Variants in BRAF observed in about 807,000 individuals in gnomAD.
The protein encoded by BRAF is B-Raf proto-oncogene, serine/threonine kinase.
A neutral mutation model predicts 104.6 loss-of-function variants in BRAF; 16 were observed. The observed-to-expected ratio is 0.15, with a 90% CI of 0.10 to 0.23. BRAF has a LOEUF of 0.23. Ranked by LOEUF, BRAF falls within the 10% of genes least tolerant of loss-of-function variation. The pLI, the probability that BRAF is intolerant of heterozygous loss-of-function variation, is 1.00. For synonymous variants in BRAF, 310 were observed against 341.6 expected (o/e 0.91, Z 1.02); for missense variants, 541 against 937.3 (o/e 0.58, Z 5.52).
intron 3 of BRAF, among the ~76,000 whole-genome samples, chr7:140,814,774 CAT>C (rs531951692): frequency 4.4e-5 from 6 of 135,132 alleles, no homozygotes; most frequent in East Asian, 4.1e-4. Flanking sequence ...TTATATATAA[CAT>C]ATATATTATA....
At position 140,725,069 on chromosome 7, in the gene BRAF, T is replaced by G. The variant is rs1187503517; in HGVS notation, c.*1425A>C. The G allele has an allele frequency of 9.6e-7, 1 of 1,045,902 alleles. No homozygotes were observed. Among genetic ancestry groups the G allele is most frequent in the Non-Finnish European group, 1.2e-6 (1 of 867,108 alleles). 64.8% of individuals were successfully genotyped at this position (1,045,902 alleles called of 1,614,324 possible). Reference sequence around the variant, plus strand: ...ATCCCTAAAATTGCTCTATTCTCTGTCTGGGAATTCAGCTGCCAAATTGCC... The same window carrying G: ...ATCCCTAAAATTGCTCTATTCTCTGGCTGGGAATTCAGCTGCCAAATTGCC... On this transcript the variant is annotated 3_prime_UTR_variant, in exon 20 of 20. Transcript: ENST00000644969.
At position 140,768,465 on chromosome 7, in the gene BRAF, G is replaced by A. The variant is rs542272747; in HGVS notation, c.1814+8447C>T. Among the ~76,000 whole-genome samples, 255 of 152,214 alleles carry A rather than the reference G, an allele frequency of 1.7e-3. 1 individual carries two copies. Among genetic ancestry groups the A allele is most frequent in the African/African-American group, 5.9e-3 (244 of 41,540 alleles). ...AGAGGCATTTGGGTCTGGGTCATGAGGAATGCCCTCATGAAAGCAGGAGTC... is the reference window on the plus strand; with the variant it reads ...AGAGGCATTTGGGTCTGGGTCATGAAGAATGCCCTCATGAAAGCAGGAGTC... On this transcript the variant is annotated intron_variant, in intron 14 of 19. Coordinates refer to ENST00000644969, the MANE Select transcript of BRAF (RefSeq NM_001374258.1).
intron 19 of BRAF, among the ~76,000 whole-genome samples, chr7:140,730,334 T>C (rs999409628): frequency 6.6e-6 from 1 of 152,120 alleles, no homozygotes; most frequent in African/African-American, 2.4e-5. Context: ...ATATTTTCTT[T>C]CCCCTTCTTT....
chr7:140,812,404 C>T (rs1804380194), intron 3 of BRAF, among the ~76,000 whole-genome samples: 1 of 152,108 alleles, frequency 6.6e-6, no homozygotes, highest in Non-Finnish European at 1.5e-5. Context: ...AATTCCAATT[C>T]CATAATGTGT....
chr7:140,791,796 T>C (rs549813111), intron 8 of BRAF, among the ~76,000 whole-genome samples: 1 of 152,334 alleles, frequency 6.6e-6, no homozygotes, highest in African/African-American at 2.4e-5. Context: ...TAAGTATCTA[T>C]AAGCCAGAAA....
chr7:140,923,963 C>T (rs2129152198), intron 1 of BRAF, among the ~76,000 whole-genome samples: 1 of 152,250 alleles, frequency 6.6e-6, no homozygotes, highest in Non-Finnish European at 1.5e-5. Flanking sequence ...GCATCGGAAA[C>T]TGCGATTTAG....
At chr7:140,879,064 G>A (rs1021924838) in intron 1 of BRAF, among the ~76,000 whole-genome samples, 3 of 151,886 alleles carry the variant, frequency 2.0e-5, no homozygotes, top group Non-Finnish European at 2.9e-5. Context: ...TTTTAGTAGA[G>A]ACGTGGTTTC....
At chr7:140,718,259 T>A (rs947500117), downstream of BRAF, among the ~76,000 whole-genome samples, 2 of 151,738 alleles carry the variant, frequency 1.3e-5, no homozygotes, top group African/African-American at 4.8e-5. Flanking sequence ...CATGCCCAGC[T>A]TTTTTTTATT....
chr7:140,819,274 A>G (rs1444363905), intron 3 of BRAF, among the ~76,000 whole-genome samples: 1 of 152,232 alleles, frequency 6.6e-6, no homozygotes, highest in Non-Finnish European at 1.5e-5. Context: ...ACAATCACAC[A>G]AAAAGATGCT....
intron 1 of BRAF, among the ~76,000 whole-genome samples, chr7:140,914,626 TA>T (rs944532299): frequency 2.8e-4 from 42 of 151,938 alleles, no homozygotes; most frequent in African/African-American, 5.1e-4. Flanking sequence ...CTTTTTATGG[TA>T]AAAAAAAGTT....
intron 3 of BRAF, among the ~76,000 whole-genome samples, chr7:140,828,605 A>G (rs1394902355): frequency 6.6e-6 from 1 of 152,200 alleles, no homozygotes. Context: ...ACCTTCAAGT[A>G]CAAGTCTTTT....
chr7:140,771,709 T>G (rs1031909259), intron 14 of BRAF, among the ~76,000 whole-genome samples: 12 of 152,110 alleles, frequency 7.9e-5, no homozygotes, highest in Admixed American at 1.3e-4. Flanking sequence ...AAATACCCTA[T>G]AGCCTTATTG....
At chr7:140,847,247 ATAAGC>A (rs2129071577) in intron 2 of BRAF, among the ~76,000 whole-genome samples, 1 of 152,172 alleles carries the variant, frequency 6.6e-6, no homozygotes, top group African/African-American at 2.4e-5. Flanking sequence ...TCATTAAAAT[ATAAGC>A]TTAAAAAGGC....
At chr7:140,832,263 G>C (rs762644110) in intron 3 of BRAF, among the ~76,000 whole-genome samples, 1 of 152,148 alleles carries the variant, frequency 6.6e-6, no homozygotes, top group East Asian at 1.9e-4. Flanking sequence ...GCTGCTAGTA[G>C]GTTCTACTGC....
intron 3 of BRAF, among the ~76,000 whole-genome samples, chr7:140,830,082 T>C (rs1243565339): frequency 6.6e-6 from 1 of 152,242 alleles, no homozygotes; most frequent in African/African-American, 2.4e-5. Context: ...TCAACAATCA[T>C]ACTTTCAATT....
rs571961302 is a variant in BRAF at position 140,720,311 on chromosome 7, A to G, written c.*6183T>C. On this transcript the variant is annotated 3_prime_UTR_variant, in exon 20 of 20. Transcript: ENST00000644969. ...TGAGTCTATATATGTGGCATGGCCA[A>G]AGGAAACACGGAGGACCCATGGATG... is the stretch of plus-strand genomic sequence containing the variant. 1.6e-5 allele frequency: 17 copies of G among 1,062,586 alleles called. No homozygotes were observed. Among genetic ancestry groups the G allele is most frequent in the African/African-American group, 3.3e-5 (2 of 60,954 alleles). The allele number at this position is 1,062,586 out of a possible 1,614,324, so 65.8% of individuals were successfully genotyped here. A position where few individuals can be genotyped will look rare whatever the true frequency, so the allele number is the denominator to read the frequency against.
At chr7:140,862,424 A>G (rs916860931) in intron 1 of BRAF, among the ~76,000 whole-genome samples, 39 of 152,212 alleles carry the variant, frequency 2.6e-4, no homozygotes, top group African/African-American at 8.4e-4. Flanking sequence ...ACATTTAGTA[A>G]GAGTTCTAAA....
chr7:140,735,827 G>A (rs1796367099), intron 18 of BRAF, among the ~76,000 whole-genome samples: 1 of 151,922 alleles, frequency 6.6e-6, no homozygotes, highest in Admixed American at 6.6e-5. Flanking sequence ...CAAAGGGCTG[G>A]GATTACAGAC....
At chr7:140,804,860 T>C (rs1420538605) in intron 5 of BRAF, among the ~76,000 whole-genome samples, 1 of 152,062 alleles carries the variant, frequency 6.6e-6, no homozygotes, top group African/African-American at 2.4e-5. Flanking sequence ...GGCTGGAGTA[T>C]GGTGGCACAA....
Sources: gnomAD v4.1 joint callset for allele counts (sites outside exome capture counted in the v4.1 genomes callset) on GRCh38, gnomAD v4.1.1 for gene constraint, MANE v1.5 for transcripts, NCBI Gene and HGNC (gene_info 2026-07-23, HGNC 2026-07-21) for gene names.